ADAMTSL1: variants seen among roughly 807,000 people sequenced by gnomAD.
ADAMTSL1 encodes the protein ADAMTS like 1.
In ADAMTSL1, 126 loss-of-function variants were observed where a neutral mutation model predicts 201.8. That is an observed-to-expected ratio of 0.62 (90% CI 0.54 to 0.72). The LOEUF is 0.72. ADAMTSL1 is among the 30% of genes least tolerant of loss of function. The pLI is 0.00. For synonymous variants in ADAMTSL1, 1,121 were observed against 903.4 expected (o/e 1.24, Z -4.32); for missense variants, 2,679 against 2,277.8 (o/e 1.18, Z -3.59).
intron 2 of ADAMTSL1, among the ~76,000 whole-genome samples, chr9:18,239,202 C>G (rs1365070645): frequency 6.6e-6 from 1 of 152,188 alleles, no homozygotes; most frequent in East Asian, 1.9e-4. Flanking sequence ...GTAATAATAC[C>G]TTAAGACAAC....
chr9:18,132,953 AATAAGGAGGTAGGGTTTAG>A (rs1474485153), intron 1 of ADAMTSL1, among the ~76,000 whole-genome samples: 1 of 152,100 alleles, frequency 6.6e-6, no homozygotes, highest in African/African-American at 2.4e-5. Context: ...GTCTCCCTGG[AATAAGGAGGTAGGGTTTAG>A]ATTCTTTCAC....
At chr9:18,119,743 G>T (rs375225430) in intron 1 of ADAMTSL1, among the ~76,000 whole-genome samples, 1 of 152,130 alleles carries the variant, frequency 6.6e-6, no homozygotes, top group South Asian at 2.1e-4. Flanking sequence ...GTTGCCAGGC[G>T]TGGAGGTCAG....
intron 26 of ADAMTSL1, among the ~76,000 whole-genome samples, chr9:18,897,367 G>A (rs577708042): frequency 3.3e-5 from 5 of 152,324 alleles, no homozygotes; most frequent in Admixed American, 1.3e-4. Flanking sequence ...CAAAAAAACA[G>A]CCAGACTGAT....
intron 2 of ADAMTSL1, among the ~76,000 whole-genome samples, chr9:18,439,181 C>G (rs1023437244): frequency 3.3e-5 from 5 of 152,142 alleles, no homozygotes; most frequent in African/African-American, 4.8e-5. Context: ...TTCCAAGTCC[C>G]TCATCATGGT....
At chr9:18,444,533 C>T (rs1164524714) in intron 2 of ADAMTSL1, among the ~76,000 whole-genome samples, 4 of 152,018 alleles carry the variant, frequency 2.6e-5, no homozygotes, top group African/African-American at 9.7e-5. Flanking sequence ...TGAATTTTAG[C>T]CTATAAGGAT....
At chr9:18,374,656 CATT>C (rs1837204879) in intron 2 of ADAMTSL1, among the ~76,000 whole-genome samples, 1 of 152,116 alleles carries the variant, frequency 6.6e-6, no homozygotes, top group South Asian at 2.1e-4. Context: ...CTTTTTTAAA[CATT>C]ATTCCTGTTT....
chr9:18,316,477 A>G (rs887233985), intron 2 of ADAMTSL1, among the ~76,000 whole-genome samples: 2 of 151,948 alleles, frequency 1.3e-5, no homozygotes, highest in South Asian at 4.2e-4. Flanking sequence ...TTTCCCAGGG[A>G]TGTTCCTTGC....
chr9:18,101,334 A>G (rs764457524), intron 1 of ADAMTSL1, among the ~76,000 whole-genome samples: 6 of 151,610 alleles, frequency 4.0e-5, no homozygotes, highest in Non-Finnish European at 7.4e-5. Context: ...CGTATCTACT[A>G]AAAAAATACA....
Position 18,091,068 on chromosome 9 carries a change from CATGTGTGT to C in ADAMTSL1, c.88-72793_88-72786del, listed in dbSNP as rs1448255340. On this transcript the variant is annotated intron_variant, in intron 1 of 29. Transcript: ENST00000680146. ...AATAAGTAGTGTGTGTGTGTATATG[CATGTGTGT>C]GTGTGTGTGTGTGTGTGTGTACCTA... 1.6e-3 allele frequency among the ~76,000 whole-genome samples: 233 copies of C among 147,634 alleles called. 5 individuals carry two copies. The South Asian group carries it at 0.046, about 29-fold the overall frequency.
chr9:17,972,142 T>G (rs1010844319), intron 1 of ADAMTSL1, among the ~76,000 whole-genome samples: 6 of 151,556 alleles, frequency 4.0e-5, no homozygotes, highest in African/African-American at 1.5e-4. Flanking sequence ...TCTATTTTCT[T>G]TTTCTTTTTT....
intron 13 of ADAMTSL1, among the ~76,000 whole-genome samples, chr9:18,687,245 T>C (rs1204454607): frequency 6.6e-6 from 1 of 152,256 alleles, no homozygotes; most frequent in Admixed American, 6.5e-5. Flanking sequence ...TTTTTTTATC[T>C]ATATTGATTT....
At chr9:18,701,531 T>C (rs1831922623) in intron 13 of ADAMTSL1, among the ~76,000 whole-genome samples, 1 of 152,176 alleles carries the variant, frequency 6.6e-6, no homozygotes, top group Non-Finnish European at 1.5e-5. Flanking sequence ...TAAACTCTAA[T>C]TTTTCTCACA....
intron 4 of ADAMTSL1, among the ~76,000 whole-genome samples, chr9:18,598,538 C>G (rs1180455327): frequency 6.6e-6 from 1 of 151,680 alleles, no homozygotes; most frequent in Non-Finnish European, 1.5e-5. Context: ...CACTTCAGTC[C>G]CTGTGCTAAA....
intron 2 of ADAMTSL1, among the ~76,000 whole-genome samples, chr9:18,456,863 G>A (rs1358948175): frequency 6.6e-6 from 1 of 152,058 alleles, no homozygotes; most frequent in Non-Finnish European, 1.5e-5. Flanking sequence ...AGCACTCACT[G>A]CTATCTGAAA....
chr9:18,526,828 G>A (rs1819091761), intron 2 of ADAMTSL1, among the ~76,000 whole-genome samples: 1 of 152,096 alleles, frequency 6.6e-6, no homozygotes, highest in Non-Finnish European at 1.5e-5. Flanking sequence ...AAAATCCCTT[G>A]GTGGGGTTGC....
intron 23 of ADAMTSL1, among the ~76,000 whole-genome samples, chr9:18,885,102 C>A (rs1828771561): frequency 6.6e-6 from 1 of 152,188 alleles, no homozygotes; most frequent in East Asian, 1.9e-4. Flanking sequence ...AGATTTTTGT[C>A]TCTCAGTCCA....
intron 2 of ADAMTSL1, among the ~76,000 whole-genome samples, chr9:18,226,759 C>T (rs764467036): frequency 1.4e-4 from 22 of 152,044 alleles, no homozygotes; most frequent in Non-Finnish European, 2.4e-4. Flanking sequence ...AGGACAGTGC[C>T]TAGGGCCCAT....
intron 1 of ADAMTSL1, among the ~76,000 whole-genome samples, chr9:18,129,932 G>C (rs1825880156): frequency 6.6e-6 from 1 of 152,090 alleles, no homozygotes; most frequent in Non-Finnish European, 1.5e-5. Flanking sequence ...TTTAGTAACT[G>C]GTCCTTGTCT....
intron 21 of ADAMTSL1, among the ~76,000 whole-genome samples, chr9:18,824,520 C>T (rs760944054): frequency 1.3e-5 from 2 of 152,134 alleles, no homozygotes; most frequent in Non-Finnish European, 2.9e-5. Context: ...ACACAGGCAA[C>T]TCTTTGAAGA....
Sources: allele counts gnomAD v4.1 joint callset (sites outside exome capture counted in the v4.1 genomes callset), GRCh38; gene constraint gnomAD v4.1.1; transcripts MANE v1.5; gene names NCBI Gene and HGNC (gene_info 2026-07-23, HGNC 2026-07-21).